The following BZW1 variants were observed in gnomAD, a reference collection of about 807,000 sequenced individuals.
The protein encoded by BZW1 is basic leucine zipper and W2 domains 1.
In BZW1, 3 loss-of-function variants were observed where a neutral mutation model predicts 54.1. That is an observed-to-expected ratio of 0.06 (90% CI 0.03 to 0.14). The LOEUF (loss-of-function observed/expected upper bound fraction) is 0.14. Ranked by LOEUF, BZW1 falls within the 10% of genes least tolerant of loss-of-function variation. BZW1 has a pLI of 1.00. For missense variants in BZW1, 206 were observed against 491.7 expected, an observed-to-expected ratio of 0.42 and a Z score of 5.50; for synonymous variants, 152 against 162.7, an observed-to-expected ratio of 0.93 and a Z score of 0.50.
At chr2:200,820,563 TC>T (rs1427663510) in intron 10 of BZW1, among the ~76,000 whole-genome samples, 1 of 152,060 alleles carries the variant, frequency 6.6e-6, no homozygotes, top group African/African-American at 2.4e-5. Flanking sequence ...AAGCCTGTAG[TC>T]CCAGCAACTC....
In BZW1 at chr2:200,826,407, A is replaced by AGATAGATAGATATTT. The variant is rs1559318394; in HGVS notation, c.*4229_*4230insGATAGATAGATATTT. On this transcript the variant is annotated 3_prime_UTR_variant, in exon 12 of 12. Coordinates refer to ENST00000409600, the MANE Select transcript of BZW1 (RefSeq NM_001207067.2). Reference sequence around the variant, plus strand: ...TAGATAGATAGATAGATAGATAGATATTTTTTTTTTTTTTTTTTTTTTTTT... The same window carrying AGATAGATAGATATTT: ...TAGATAGATAGATAGATAGATAGATAGATAGATAGATATTTTTTTTTTTTTTTTTTTTTTTTTTTT... 1.3e-4 allele frequency: 7 copies of AGATAGATAGATATTT among 54,940 alleles called. No homozygotes were observed. The highest frequency in any genetic ancestry group is 4.2e-4 in the East Asian group (1 of 2,408). 3.4% of individuals were successfully genotyped at this position (54,940 alleles called of 1,614,324 possible). A position where few individuals can be genotyped will look rare whatever the true frequency, so the allele number is the denominator to read the frequency against.
Position 200,825,957 on chromosome 2 carries a change from T to G in BZW1, c.*3779T>G, listed in dbSNP as rs2038678036. Reference sequence around the variant, plus strand: ...TTCTGGTAAATTGCCTTGCTATGATTTTTCATGCTCAGTATTAGTCCTCTA... The same window carrying G: ...TTCTGGTAAATTGCCTTGCTATGATGTTTCATGCTCAGTATTAGTCCTCTA... On this transcript the variant is annotated 3_prime_UTR_variant, in exon 12 of 12. Transcript: ENST00000409600. The G allele has an allele frequency of 6.6e-6, 1 of 152,230 alleles. No individual in the cohort carries two copies. The highest frequency in any genetic ancestry group is 6.5e-5 in the Admixed American group (1 of 15,284). The allele number at this position is 152,230 out of a possible 1,614,324, so 9.4% of individuals were successfully genotyped here. A position where few individuals can be genotyped will look rare whatever the true frequency, so the allele number is the denominator to read the frequency against.
chr2:200,816,245 C>A, intron 4 of BZW1, 80 bp from the exon 5 acceptor site: 1 of 1,026,100 alleles, frequency 9.7e-7, no homozygotes, highest in Non-Finnish European at 1.4e-6. Context: ...AGCTCATAAA[C>A]TTACATCGAG....
At position 200,826,421 on chromosome 2, in the gene BZW1, T is replaced by TGATAGATAGATAGA. The variant is rs1348589884; in HGVS notation, c.*4243_*4244insGATAGATAGATAGA. The TGATAGATAGATAGA allele has an allele frequency of 0.054, 4,688 of 87,414 alleles. 139 individuals carry two copies. Among genetic ancestry groups the TGATAGATAGATAGA allele is most frequent in the Non-Finnish European group, 0.068 (3,057 of 44,678 alleles). 5.4% of individuals were successfully genotyped at this position (87,414 alleles called of 1,614,324 possible). ...GATAGATAGATATTTTTTTTTTTTT[T>TGATAGATAGATAGA]TTTTTTTTTTTTTTTTTTTTTGAGA... On this transcript the variant is annotated 3_prime_UTR_variant, in exon 12 of 12. Coordinates refer to ENST00000409600, the MANE Select transcript of BZW1 (RefSeq NM_001207067.2).
In BZW1 at chr2:200,823,212, A is replaced by G. The variant is rs1264463516; in HGVS notation, c.*1034A>G. ...CTATAACAAATGAAGTGCAATGACAATTATATATTCCTACTCGGTCATACT... is the reference window on the plus strand; with the variant it reads ...CTATAACAAATGAAGTGCAATGACAGTTATATATTCCTACTCGGTCATACT... On this transcript the variant is annotated 3_prime_UTR_variant, in exon 12 of 12. Transcript: ENST00000409600. 6.1e-6 allele frequency: 1 copy of G among 165,194 alleles called. No homozygotes were observed. The highest frequency in any genetic ancestry group is 1.5e-5 in the Non-Finnish European group (1 of 68,070). 10.2% of individuals were successfully genotyped at this position (165,194 alleles called of 1,614,324 possible). A position where few individuals can be genotyped will look rare whatever the true frequency, so the allele number is the denominator to read the frequency against.
chr2:200,812,500 G>A, intron 1 of BZW1: 6 of 1,382,798 alleles, frequency 4.3e-6, no homozygotes, highest in Non-Finnish European at 4.7e-6. Context: ...CAGGGTCAGT[G>A]GAGAAAGAGC....
Position 200,820,083 on chromosome 2 carries a change from G to A in BZW1, c.1068G>A (p.Met356Ile). 1 of 1,556,562 alleles carries A rather than the reference G, an allele frequency of 6.4e-7. No homozygotes were observed. The highest frequency in any genetic ancestry group is 8.7e-7 in the Non-Finnish European group (1 of 1,149,980). ...ATTGCTATGACAACATTCATTTCAT[G>A]AAAGCCTTCCAGAAAATAGTGGTGC... is the stretch of plus-strand genomic sequence containing the variant. ...QEYCYDNIHF[M>I]KAFQKIVVLF... The change falls in exon 10 of 12, where the codon ATG (methionine) becomes ATA (isoleucine). Residue 356 changes from methionine to isoleucine, a missense_variant. Met to Ile is a conservative substitution (Grantham distance 10, BLOSUM62 1). Around this residue, in one of 5 missense-constraint regions of BZW1, gnomAD observed 60 missense variants for 151.8 expected, o/e 0.40. Transcript: ENST00000409600.
intron 1 of BZW1, chr2:200,812,576 C>T: frequency 1.4e-6 from 2 of 1,405,934 alleles, no homozygotes; most frequent in Non-Finnish European, 1.9e-6. Flanking sequence ...TGATCTGTGG[C>T]TCGGGCGGGA....
chr2:200,821,426 T>C, intron 11 of BZW1, 121 bp downstream of exon 11: 1 of 1,248,706 alleles, frequency 8.0e-7, no homozygotes. Flanking sequence ...AGATTTTTGT[T>C]ATAAGGCAGG....
chr2:200,826,013 C>G lies in BZW1; in HGVS notation c.*3835C>G, dbSNP rs536345622. Reference sequence around the variant, plus strand: ...AATACGAAGTTTTTCTATTCCCCAGCCTACTAAGGCCTACAGGTTAAAATA... The same window carrying G: ...AATACGAAGTTTTTCTATTCCCCAGGCTACTAAGGCCTACAGGTTAAAATA... On this transcript the variant is annotated 3_prime_UTR_variant, in exon 12 of 12. Coordinates refer to ENST00000409600, the MANE Select transcript of BZW1 (RefSeq NM_001207067.2). The G allele has an allele frequency of 3.9e-5, 6 of 152,270 alleles. No homozygotes were observed. The South Asian group carries it at 1.2e-3, about 32-fold the overall frequency. The allele number at this position is 152,270 out of a possible 1,614,324, so 9.4% of individuals were successfully genotyped here. A position where few individuals can be genotyped will look rare whatever the true frequency, so the allele number is the denominator to read the frequency against.
chr2:200,820,126 T>A lies in BZW1; in HGVS notation c.1105+6T>A. On this transcript the variant is annotated splice_donor_region_variant and intron_variant, in intron 10 of 11. Coordinates refer to ENST00000409600, the MANE Select transcript of BZW1 (RefSeq NM_001207067.2). ...AGTGGTGCTTTTTTATAAAGGTAAT[T>A]TAGATTTTGAATTTTGTAAATAACA... 6.5e-7 allele frequency: 1 copy of A among 1,527,032 alleles called. No individual in the cohort carries two copies. The highest frequency in any genetic ancestry group is 8.8e-7 in the Non-Finnish European group (1 of 1,137,214). 94.6% of individuals were successfully genotyped at this position (1,527,032 alleles called of 1,614,324 possible).
chr2:200,812,543 T>TG (rs1264759674), intron 1 of BZW1: 40 of 1,396,212 alleles, frequency 2.9e-5, no homozygotes, highest in Non-Finnish European at 3.4e-5. Context: ...CTGTGGCCGA[T>TG]GGGGTCCTGG....
intron 9 of BZW1, 120 bp from the exon 10 acceptor site, chr2:200,819,862 T>G: frequency 1.1e-6 from 1 of 947,178 alleles, no homozygotes. Flanking sequence ...GGTAAATAAG[T>G]TATAGTTTGC....
chr2:200,814,844 G>A (rs557270834), intron 2 of BZW1, among the ~76,000 whole-genome samples: 1 of 152,326 alleles, frequency 6.6e-6, no homozygotes, highest in African/African-American at 2.4e-5. Flanking sequence ...TCACAAGGTT[G>A]TTAACAGGAT....
chr2:200,816,516 A>AGTGAG, intron 5 of BZW1, 126 bp downstream of exon 5: 6 of 587,440 alleles, frequency 1.0e-5, no homozygotes, highest in Non-Finnish European at 1.7e-5. Context: ...TTTGAGACAG[A>AGTGAG]GCCTCACTCT....
rs1397899708 is a variant in BZW1 at position 200,819,963 on chromosome 2, TTC to T, written c.967-15_967-14del. 4 of 1,477,726 alleles carry T rather than the reference TTC, an allele frequency of 2.7e-6. No homozygotes were observed. Among genetic ancestry groups the T allele is most frequent in the Non-Finnish European group, 1.8e-6 (2 of 1,111,490 alleles). 91.5% of individuals were successfully genotyped at this position (1,477,726 alleles called of 1,614,324 possible). On this transcript the variant is annotated splice_polypyrimidine_tract_variant and intron_variant, in intron 9 of 11. Transcript: ENST00000409600. The stretch of plus-strand genomic sequence containing the variant: ...TATTTGTAATGAATGACTAAATCTT[TTC>T]TCTGTTCCTTTAAAAGCAATACAGC...
intron 1 of BZW1, 136 bp downstream of exon 1, chr2:200,812,126 C>G (rs1289240169): frequency 1.1e-6 from 1 of 901,246 alleles, no homozygotes; most frequent in South Asian, 5.9e-5. Context: ...GAGGCCGGGC[C>G]GGATCTAGGG....
At position 200,811,931 on chromosome 2, in the gene BZW1, A is replaced by G. The variant is rs1488745658; in HGVS notation, c.-70A>G. On this transcript the variant is annotated 5_prime_UTR_variant, in exon 1 of 12. Coordinates refer to ENST00000409600, the MANE Select transcript of BZW1 (RefSeq NM_001207067.2). ...CGTTAGTTCCGGTCGCAGAGGAGAC[A>G]CCGCCGCAGTTGCCGGTACATCGGG... 3 of 253,848 alleles carry G rather than the reference A, an allele frequency of 1.2e-5. No individual in the cohort carries two copies. Among genetic ancestry groups the G allele is most frequent in the Admixed American group, 5.5e-5 (1 of 18,112 alleles). 15.7% of individuals were successfully genotyped at this position (253,848 alleles called of 1,614,324 possible). A position where few individuals can be genotyped will look rare whatever the true frequency, so the allele number is the denominator to read the frequency against.
chr2:200,820,200 C>G, intron 10 of BZW1, 80 bp downstream of exon 10: 1 of 1,236,696 alleles, frequency 8.1e-7, no homozygotes, highest in Non-Finnish European at 1.1e-6. Context: ...GATGAGTTAT[C>G]TGGACATCAG....
Sources: allele counts gnomAD v4.1 joint callset (sites outside exome capture counted in the v4.1 genomes callset), GRCh38; gene constraint gnomAD v4.1.1; regional missense constraint gnomAD v4.1.1; transcripts MANE v1.5; gene names NCBI Gene and HGNC (gene_info 2026-07-23, HGNC 2026-07-21).